The following MIA3 variants were observed in gnomAD, a reference collection of about 807,000 sequenced individuals.
MIA3 encodes transport and Golgi organization protein 1 homolog.
Under a neutral mutation model 192.4 loss-of-function variants are expected in MIA3, and 90 were observed. That is an observed-to-expected ratio of 0.47 (90% confidence interval 0.39 to 0.56). The LOEUF (loss-of-function observed/expected upper bound fraction) is 0.56, where lower values mean the gene tolerates loss of function less well. Ranked by LOEUF, MIA3 falls within the 20% of genes least tolerant of loss-of-function variation. The pLI is 0.00. For missense variants in MIA3, 2,123 were observed against 2,269.4 expected (o/e 0.94, Z 1.31); for synonymous variants, 740 against 792.8 (o/e 0.93, Z 1.12).
chr1:222,640,591 G>A (rs1662809170), intron 6 of MIA3, among the ~76,000 whole-genome samples: 1 of 152,070 alleles, frequency 6.6e-6, no homozygotes, highest in Non-Finnish European at 1.5e-5. Context: ...TACCTCACAT[G>A]ATGTACATAA....
intron 3 of MIA3, among the ~76,000 whole-genome samples, chr1:222,626,549 T>G (rs942980670): frequency 8.5e-5 from 13 of 152,318 alleles, no homozygotes; most frequent in South Asian, 4.1e-4. Flanking sequence ...ATTTTATGGC[T>G]CCTTGTATGT....
Position 222,621,237 on chromosome 1 carries a change from C to T in MIA3, c.212C>T (p.Pro71Leu). 2 of 1,613,636 alleles carry T rather than the reference C, an allele frequency of 1.2e-6. No homozygotes were observed. The highest frequency in any genetic ancestry group is 1.7e-6 in the Non-Finnish European group (2 of 1,179,838). Residue 71 changes from proline to leucine, a missense_variant, in exon 2 of 28, where the codon CCT (proline) becomes CTT (leucine). This residue lies in a region of MIA3 where 1,357 missense variants were observed against 1,396.1 expected (regional missense o/e 0.97). Coordinates refer to ENST00000344922, the MANE Select transcript of MIA3 (RefSeq NM_198551.4). ...CRFVNFKKGDPVYVYYKLARG... is the reference protein window; with the variant it reads ...CRFVNFKKGDLVYVYYKLARG... Reference sequence around the variant, plus strand: ...TTTGTGAATTTTAAAAAAGGTGATCCTGTATATGTTTACTATAAACTGGCA... The same window carrying T: ...TTTGTGAATTTTAAAAAAGGTGATCTTGTATATGTTTACTATAAACTGGCA...
In MIA3 at chr1:222,628,991, T is replaced by C. The variant is rs1182865074; in HGVS notation, c.1771T>C (p.Ser591Pro). 4 of 1,613,994 alleles carry C rather than the reference T, an allele frequency of 2.5e-6. No individual in the cohort carries two copies. The South Asian group carries it at 3.3e-5, about 13-fold the overall frequency. The part of the protein sequence containing the change: ...PLMGDDHPNA[S>P]RDSVEGDALV... Reference sequence around the variant, plus strand: ...CATGGGAGATGACCACCCTAACGCATCCAGAGACAGTGTGGAGGGAGACGC... The same window carrying C: ...CATGGGAGATGACCACCCTAACGCACCCAGAGACAGTGTGGAGGGAGACGC... Residue 591 changes from serine (S) to proline (P), a missense_variant, in exon 4 of 28, where the codon TCC becomes CCC. Coordinates refer to ENST00000344922, the MANE Select transcript of MIA3 (RefSeq NM_198551.4).
chr1:222,642,643 G>A (rs1662915179), intron 6 of MIA3, among the ~76,000 whole-genome samples: 1 of 152,164 alleles, frequency 6.6e-6, no homozygotes, highest in Non-Finnish European at 1.5e-5. Flanking sequence ...AAATCATAGG[G>A]GTTGTATGAT....
Position 222,618,209 on chromosome 1 carries a change from G to T in MIA3, c.99G>T (p.Ser33=). 6.7e-7 allele frequency: 1 copy of T among 1,493,956 alleles called. No homozygotes were observed. The highest frequency in any genetic ancestry group is 1.5e-5 in the African/African-American group (1 of 68,498). The allele number at this position is 1,493,956 out of a possible 1,614,324, so 92.5% of individuals were successfully genotyped here. The change falls in exon 1 of 28, where the codon TCG becomes TCT. Residue 33 remains serine (S), a synonymous_variant. Coordinates refer to ENST00000344922, the MANE Select transcript of MIA3 (RefSeq NM_198551.4). ...ACCCCAGCACTGGCCGGCGGTTCTC[G>T]GAGCACAAACTCTGCGCGGACGACG... The part of the protein sequence containing the change: ...QLDPSTGRRF[S]EHKLCADDEC...
chr1:222,648,697 A>C (rs543553493), intron 7 of MIA3, 132 bp from the exon 8 acceptor site: 3 of 633,562 alleles, frequency 4.7e-6, no homozygotes, highest in Non-Finnish European at 8.5e-6. Flanking sequence ...TTTCATCTTG[A>C]GGATTCATTA....
intron 7 of MIA3, 50 bp from the exon 8 acceptor site, chr1:222,648,779 C>A: frequency 9.9e-7 from 1 of 1,009,048 alleles, no homozygotes; most frequent in Non-Finnish European, 1.6e-6. Context: ...CTATATACAT[C>A]TATTAATAAA....
At chr1:222,645,283 T>C (rs534534479) in intron 6 of MIA3, among the ~76,000 whole-genome samples, 1 of 152,252 alleles carries the variant, frequency 6.6e-6, no homozygotes, top group African/African-American at 2.4e-5. Flanking sequence ...TTAGATAACA[T>C]ATTGTATCAG....
Position 222,655,962 on chromosome 1 carries a change from CCTTTTT to C in MIA3, c.4607+1170_4607+1175del, listed in dbSNP as rs1324753521. ...ATCACGTATCTCCAGACTTTCTTTC[CCTTTTT>C]TTTTTTTTTTTTTTTTTTTGAGACA... On this transcript the variant is annotated intron_variant, in intron 18 of 27. Coordinates refer to ENST00000344922, the MANE Select transcript of MIA3 (RefSeq NM_198551.4). Among the ~76,000 whole-genome samples the C allele has an allele frequency of 1.5e-3, 106 of 71,256 alleles. 2 individuals are homozygous for C. In the East Asian group the frequency reaches 0.037, roughly 25 times the overall value. The allele number at this position is 71,256 out of a possible 152,430, so 46.7% of individuals were successfully genotyped here.
At chr1:222,637,997 T>A (rs1264519361) in intron 6 of MIA3, among the ~76,000 whole-genome samples, 2 of 152,174 alleles carry the variant, frequency 1.3e-5, no homozygotes, top group African/African-American at 2.4e-5. Flanking sequence ...TTCTTATTGA[T>A]GATCAATTTA....
intron 1 of MIA3, 112 bp downstream of exon 1, chr1:222,618,355 G>A (rs1661703087): frequency 2.7e-6 from 3 of 1,100,418 alleles, no homozygotes; most frequent in East Asian, 3.5e-5. Flanking sequence ...CGGGAGTTCC[G>A]CAGCCCCTGG....
At chr1:222,653,750 G>T (rs1289439088) in intron 15 of MIA3, among the ~76,000 whole-genome samples, 1 of 152,080 alleles carries the variant, frequency 6.6e-6, no homozygotes, top group African/African-American at 2.4e-5. Context: ...ACTGACTAAG[G>T]CCATGAAAGA....
intron 2 of MIA3, among the ~76,000 whole-genome samples, chr1:222,623,733 G>A (rs1661982929): frequency 6.6e-6 from 1 of 152,092 alleles, no homozygotes; most frequent in African/African-American, 2.4e-5. Flanking sequence ...TGATTTACAT[G>A]CCAGCCTCCT....
In MIA3 at chr1:222,630,350, G is replaced by C. The variant is rs1442867075; in HGVS notation, c.3130G>C (p.Ala1044Pro). 6.2e-7 allele frequency: 1 copy of C among 1,613,154 alleles called. No homozygotes were observed. The highest frequency in any genetic ancestry group is 2.2e-5 in the East Asian group (1 of 44,882). The change falls in exon 4 of 28, where the codon GCA (alanine) becomes CCA (proline). Residue 1044 changes from alanine to proline, a missense_variant. Physicochemically the swap from Ala to Pro is conservative, Grantham distance 27 (BLOSUM62 -1). Coordinates refer to ENST00000344922, the MANE Select transcript of MIA3 (RefSeq NM_198551.4). Reference sequence around the variant, plus strand: ...AGAGGAGACAGCCACACTGGTGATGGCACCACCTCTAGAGGAAGGCTTGGG... The same window carrying C: ...AGAGGAGACAGCCACACTGGTGATGCCACCACCTCTAGAGGAAGGCTTGGG... ...TAEETATLVM[A>P]PPLEEGLGGA...
chr1:222,634,425 A>C (rs1404378508), intron 6 of MIA3, among the ~76,000 whole-genome samples: 1 of 152,182 alleles, frequency 6.6e-6, no homozygotes, highest in African/African-American at 2.4e-5. Flanking sequence ...GAGTGGTCAG[A>C]CCATTGTTGG....
chr1:222,632,175 A>T lies in MIA3; in HGVS notation c.3180A>T (p.Pro1060=). 3 of 1,614,082 alleles carry T rather than the reference A, an allele frequency of 1.9e-6. No individual in the cohort carries two copies. Among genetic ancestry groups the T allele is most frequent in the Non-Finnish European group, 2.5e-6 (3 of 1,179,980 alleles). The change falls in exon 5 of 28, where the codon CCA becomes CCT. Residue 1060 remains proline, a synonymous_variant. Transcript: ENST00000344922. ...TTCTTCTCACCCTAGAGATGCAACC[A>T]CTGCATGAAGATAATTTCTCACGAG... ...GLGGAMEEMQ[P]LHEDNFSREK... is the part of the protein sequence containing the mutation.
chr1:222,618,177 C>T lies in MIA3; in HGVS notation c.67C>T (p.Gln23Ter). 2 of 1,503,942 alleles carry T rather than the reference C, an allele frequency of 1.3e-6. No homozygotes were observed. The highest frequency in any genetic ancestry group is 1.8e-6 in the Non-Finnish European group (2 of 1,125,510). The allele number at this position is 1,503,942 out of a possible 1,614,324, so 93.2% of individuals were successfully genotyped here. ...CCGGCTGCCCTGGCGGGTGCCGGGCCAGCTGGACCCCAGCACTGGCCGGCG... is the reference window on the plus strand; with the variant it reads ...CCGGCTGCCCTGGCGGGTGCCGGGCTAGCTGGACCCCAGCACTGGCCGGCG... The part of the protein sequence containing the change: ...VLRLPWRVPG[Q>*]LDPSTGRRFS... The change falls in exon 1 of 28, where the codon CAG becomes TAG. Residue 23 changes from glutamine (Q) to a stop codon, truncating the protein, a stop_gained. Coordinates refer to ENST00000344922, the MANE Select transcript of MIA3 (RefSeq NM_198551.4). LOFTEE classifies it high-confidence loss of function.
At chr1:222,647,572 A>G (rs1193544136) in intron 7 of MIA3, among the ~76,000 whole-genome samples, 1 of 152,220 alleles carries the variant, frequency 6.6e-6, no homozygotes, top group Non-Finnish European at 1.5e-5. Flanking sequence ...TCAGATAAAA[A>G]GGGAGAATCA....
At chr1:222,633,303 A>G (rs1327729362) in intron 6 of MIA3, 54 bp downstream of exon 6, 20 of 1,456,898 alleles carry the variant, frequency 1.4e-5, no homozygotes, top group Non-Finnish European at 1.4e-5. Context: ...ACAGTTTTTA[A>G]GTTGATTTTG....
Sources: gnomAD v4.1 joint callset for allele counts (sites outside exome capture counted in the v4.1 genomes callset) on GRCh38, gnomAD v4.1.1 for gene constraint, gnomAD v4.1.1 regional missense constraint, MANE v1.5 for transcripts, NCBI Gene and HGNC (gene_info 2026-07-23, HGNC 2026-07-21) for gene names.